Variants in DIPK1C observed in about 807,000 individuals in gnomAD.
DIPK1C encodes the protein divergent protein kinase domain 1C.
In DIPK1C, 33 loss-of-function variants were observed where a neutral mutation model predicts 28.0. The ratio of observed to expected loss-of-function variants is 1.18; its 90% CI spans 0.89 to 1.58. The LOEUF (loss-of-function observed/expected upper bound fraction) is 1.58, where lower values mean the gene tolerates loss of function less well. Ranked by LOEUF, DIPK1C falls within the 40% of genes most tolerant of loss-of-function variation. DIPK1C has a pLI of 0.00. For synonymous variants in DIPK1C, 255 were observed against 248.8 expected (o/e 1.02, Z -0.23); for missense variants, 569 against 568.5 (o/e 1.00, Z -0.01).
chr18:74,444,389 T>A (rs1986214118), intron 2 of DIPK1C, among the ~76,000 whole-genome samples: 1 of 152,236 alleles, frequency 6.6e-6, no homozygotes, highest in South Asian at 2.1e-4. Context: ...CTTACACCTC[T>A]GCTGGGAGGC....
chr18:74,440,514 T>C (rs561658218), intron 3 of DIPK1C, among the ~76,000 whole-genome samples: 1 of 152,360 alleles, frequency 6.6e-6, no homozygotes, highest in African/African-American at 2.4e-5. Context: ...TATTCCCAAT[T>C]GGTAAGTGAA....
upstream of DIPK1C, among the ~76,000 whole-genome samples, chr18:74,460,340 T>C (rs1465801690): frequency 1.3e-5 from 2 of 152,262 alleles, no homozygotes; most frequent in African/African-American, 4.8e-5. Flanking sequence ...ATGTTCCGTG[T>C]GATTCCATCG....
intron 2 of DIPK1C, among the ~76,000 whole-genome samples, chr18:74,442,390 G>A (rs1208828343): frequency 6.6e-6 from 1 of 151,938 alleles, no homozygotes; most frequent in Non-Finnish European, 1.5e-5. Context: ...GTGCAGTGGC[G>A]CGATCTGGGC....
chr18:74,460,599 G>A (rs892891519), upstream of DIPK1C, among the ~76,000 whole-genome samples: 4 of 152,340 alleles, frequency 2.6e-5, no homozygotes, highest in African/African-American at 7.2e-5. Context: ...AAGAGACTCA[G>A]TTATGGGAGT....
At chr18:74,458,156 A>T (rs1421338007), upstream of DIPK1C, among the ~76,000 whole-genome samples, 1 of 151,640 alleles carries the variant, frequency 6.6e-6, no homozygotes, top group Non-Finnish European at 1.5e-5. Flanking sequence ...CCCCCACCCC[A>T]CCCAGGGATG....
intron 2 of DIPK1C, among the ~76,000 whole-genome samples, chr18:74,442,495 A>AT (rs539728963): frequency 2.4e-4 from 36 of 151,348 alleles, no homozygotes; most frequent in Non-Finnish European, 4.4e-4. Flanking sequence ...CACCCGGCTA[A>AT]TTTTTTTGTA....
Position 74,436,046 on chromosome 18 carries a change from CAG to C in DIPK1C, c.*453_*454del, listed in dbSNP as rs1985981931. On this transcript the variant is annotated 3_prime_UTR_variant, in exon 4 of 4. Coordinates refer to ENST00000343998, the MANE Select transcript of DIPK1C (RefSeq NM_001044369.3). ...TCACCTGTGCACACTCACACACATG[CAG>C]ACACTCATGGGCACACTCACACATG... 4.9e-6 allele frequency: 1 copy of C among 202,794 alleles called. No individual in the cohort carries two copies. The highest frequency in any genetic ancestry group is 1.0e-5 in the Non-Finnish European group (1 of 98,822). The allele number at this position is 202,794 out of a possible 1,614,324, so 12.6% of individuals were successfully genotyped here.
chr18:74,436,789 T>C, intron 3 of DIPK1C, 70 bp from the exon 4 acceptor site: 1 of 1,425,458 alleles, frequency 7.0e-7, no homozygotes, highest in South Asian at 1.4e-5. Flanking sequence ...AAGCCCAGGA[T>C]TGGTTCTGAA....
At chr18:74,446,263 C>T (rs17089305) in intron 2 of DIPK1C, among the ~76,000 whole-genome samples, 3,077 of 152,290 alleles carry the variant, frequency 0.02, 78 homozygotes, top group East Asian at 0.1. Context: ...GACTGTTTTC[C>T]GCACAAGTTA....
chr18:74,440,966 A>G (rs1986109137), intron 3 of DIPK1C, among the ~76,000 whole-genome samples: 2 of 152,218 alleles, frequency 1.3e-5, no homozygotes, highest in South Asian at 4.1e-4. Flanking sequence ...AGGTCTGTGT[A>G]GACCCTGGGG....
the DIPK1C span, among the ~76,000 whole-genome samples, chr18:74,463,515 A>G: frequency 1.3e-5 from 2 of 151,822 alleles, no homozygotes; most frequent in Non-Finnish European, 1.5e-5. Context: ...GCTGGTTGAG[A>G]TTTCCCTCCA....
chr18:74,457,304 G>A lies in DIPK1C; in HGVS notation c.-45C>T. 21 of 981,248 alleles carry A rather than the reference G, an allele frequency of 2.1e-5. No individual in the cohort carries two copies. The highest frequency in any genetic ancestry group is 2.5e-5 in the Non-Finnish European group (21 of 826,664). The allele number at this position is 981,248 out of a possible 1,614,324, so 60.8% of individuals were successfully genotyped here. ...CGGGCCCCACCGCCGCCCGCGCCCC[G>A]AGTTCCGCACTCGCGTAGCTGCTCC... On this transcript the variant is annotated 5_prime_UTR_variant, in exon 1 of 4. Coordinates refer to ENST00000343998, the MANE Select transcript of DIPK1C (RefSeq NM_001044369.3).
intron 1 of DIPK1C, among the ~76,000 whole-genome samples, chr18:74,453,094 C>T (rs1986434370): frequency 1.3e-5 from 2 of 152,180 alleles, no homozygotes; most frequent in Admixed American, 6.5e-5. Flanking sequence ...TGCACATTCC[C>T]ATCAAATCAG....
chr18:74,458,434 G>C (rs759125489), upstream of DIPK1C, among the ~76,000 whole-genome samples: 9 of 152,130 alleles, frequency 5.9e-5, no homozygotes, highest in Non-Finnish European at 1.0e-4. Flanking sequence ...TCCCACAGGA[G>C]CTGGCTTCTT....
At chr18:74,442,574 C>G (rs1166201129) in intron 2 of DIPK1C, among the ~76,000 whole-genome samples, 1 of 152,186 alleles carries the variant, frequency 6.6e-6, no homozygotes, top group Non-Finnish European at 1.5e-5. Context: ...CCTGATCTGC[C>G]CGCCTCGGCC....
In DIPK1C at chr18:74,435,533, C is replaced by T. The variant is rs1985968040; in HGVS notation, c.*968G>A. On this transcript the variant is annotated 3_prime_UTR_variant, in exon 4 of 4. Transcript: ENST00000343998. ...GAGTCAATGCAGACCTCAGCATTTGCTCTACTTTAAATTTTCTCTGAAGGT... is the reference window on the plus strand; with the variant it reads ...GAGTCAATGCAGACCTCAGCATTTGTTCTACTTTAAATTTTCTCTGAAGGT... The T allele has an allele frequency of 1.3e-5, 2 of 152,176 alleles. No homozygotes were observed. Among genetic ancestry groups the T allele is most frequent in the African/African-American group, 4.8e-5 (2 of 41,438 alleles). 9.4% of individuals were successfully genotyped at this position (152,176 alleles called of 1,614,324 possible).
intron 2 of DIPK1C, among the ~76,000 whole-genome samples, chr18:74,445,103 A>G (rs1986229507): frequency 6.6e-6 from 1 of 152,144 alleles, no homozygotes. Context: ...TGCTGGAGGA[A>G]GAAGGGAGTG....
intron 3 of DIPK1C, among the ~76,000 whole-genome samples, chr18:74,437,796 C>A (rs1374353996): frequency 6.6e-6 from 1 of 152,190 alleles, no homozygotes; most frequent in Middle Eastern, 3.2e-3. Context: ...TTGACATACA[C>A]ACTTCCTTTT....
At chr18:74,456,792 G>A (rs1205460885) in intron 1 of DIPK1C, among the ~76,000 whole-genome samples, 3 of 152,218 alleles carry the variant, frequency 2.0e-5, no homozygotes, top group Non-Finnish European at 4.4e-5. Flanking sequence ...GGGGTGGCGA[G>A]GGTAGGACGG....
Sources: allele counts gnomAD v4.1 joint callset (sites outside exome capture counted in the v4.1 genomes callset), GRCh38; gene constraint gnomAD v4.1.1; transcripts MANE v1.5; gene names NCBI Gene and HGNC (gene_info 2026-07-23, HGNC 2026-07-21).